Variants in ZNF99 observed in about 807,000 individuals in gnomAD.
ZNF99 encodes the protein zinc finger protein ENSP00000375192.
In ZNF99, 8 loss-of-function variants were observed where a neutral mutation model predicts 12.8. The observed-to-expected ratio is 0.62, with a 90% confidence interval of 0.37 to 1.13. The LOEUF (loss-of-function observed/expected upper bound fraction) is 1.13. ZNF99 is among the 50% of genes most tolerant of loss of function. The probability of loss-of-function intolerance (pLI) is 0.02; values close to 1 mark genes in which losing one functional copy is unlikely to be tolerated. For missense variants in ZNF99, 1,007 were observed against 1,006.2 expected (o/e 1.00, Z -0.01); for synonymous variants, 318 against 319.0 (o/e 1.00, Z 0.03).
At chr19:22,769,985 T>C (rs369111538) in intron 1 of ZNF99, 252 of 1,360,362 alleles carry the variant, frequency 1.9e-4, no homozygotes, top group Non-Finnish European at 2.3e-4. Context: ...AAAGACATGT[T>C]GAGTTAGAAG....
At position 22,756,211 on chromosome 19, in the gene ZNF99, C is replaced by T. The variant is rs200413555; in HGVS notation, c.*1103G>A. The T allele has an allele frequency of 0.011, 16,502 of 1,488,938 alleles. 1,477 individuals are homozygous for T. In the African/African-American group the frequency reaches 0.14, roughly 13 times the overall value. The allele number at this position is 1,488,938 out of a possible 1,614,324, so 92.2% of individuals were successfully genotyped here. On this transcript the variant is annotated 3_prime_UTR_variant, in exon 4 of 4. Coordinates refer to ENST00000596209, the MANE Select transcript of ZNF99 (RefSeq NM_001080409.3). ...TGACACATTCTTCACATTTTTAGGG[C>T]TTCTCCCCAGTATGAATTATCTTAT...
Position 22,753,201 on chromosome 19 carries a change from A to G in ZNF99, c.*4113T>C, listed in dbSNP as rs1972995184. On this transcript the variant is annotated 3_prime_UTR_variant, in exon 4 of 4. Transcript: ENST00000596209. ...TTTTTGATATTTGAAGTATACAAAAAGTATACTTCAAATGTAATTATAATT... is the reference window on the plus strand; with the variant it reads ...TTTTTGATATTTGAAGTATACAAAAGGTATACTTCAAATGTAATTATAATT... 1 of 152,084 alleles carries G rather than the reference A, an allele frequency of 6.6e-6. No individual in the cohort carries two copies. The highest frequency in any genetic ancestry group is 6.5e-5 in the Admixed American group (1 of 15,272). The allele number at this position is 152,084 out of a possible 1,614,324, so 9.4% of individuals were successfully genotyped here. A position where few individuals can be genotyped will look rare whatever the true frequency, so the allele number is the denominator to read the frequency against.
chr19:22,781,198 C>G (rs1973383216), intron 1 of ZNF99, among the ~76,000 whole-genome samples: 1 of 152,044 alleles, frequency 6.6e-6, no homozygotes, highest in Non-Finnish European at 1.5e-5. Flanking sequence ...AAACTGAGGT[C>G]AAAATAAGTG....
chr19:22,767,308 A>T (rs1481471146), intron 3 of ZNF99, among the ~76,000 whole-genome samples: 1 of 152,130 alleles, frequency 6.6e-6, no homozygotes, highest in Non-Finnish European at 1.5e-5. Context: ...AATTAAAAGG[A>T]AAAGAAAGAA....
In ZNF99 at chr19:22,769,017, G is replaced by A. The variant is rs181913294; in HGVS notation, c.130+181C>T. On this transcript the variant is annotated intron_variant, in intron 2 of 3. Coordinates refer to ENST00000596209, the MANE Select transcript of ZNF99 (RefSeq NM_001080409.3). ...GCACTCCAGCCTGGGCAACAAGAGC[G>A]AAACTCTGTTTCAAAAAAAAAAAAA... 1.7e-3 allele frequency among the ~76,000 whole-genome samples: 243 copies of A among 140,122 alleles called. 2 individuals are homozygous for A. Among genetic ancestry groups the A allele is most frequent in the African/African-American group, 6.0e-3 (221 of 36,548 alleles). The allele number at this position is 140,122 out of a possible 152,430, so 91.9% of individuals were successfully genotyped here.
chr19:22,755,449 CAT>C lies in ZNF99; in HGVS notation c.*1863_*1864del, dbSNP rs1221769097. On this transcript the variant is annotated 3_prime_UTR_variant, in exon 4 of 4. Coordinates refer to ENST00000596209, the MANE Select transcript of ZNF99 (RefSeq NM_001080409.3). ...GTTAAAAGTTTTGCCACACTCTTCA[CAT>C]GAGGCGGGTTTCTCTCTAATTTATC... The C allele has an allele frequency of 3.1e-5, 9 of 291,678 alleles. No individual in the cohort carries two copies. The highest frequency in any genetic ancestry group is 8.7e-5 in the East Asian group (1 of 11,454). 18.1% of individuals were successfully genotyped at this position (291,678 alleles called of 1,614,324 possible).
chr19:22,777,057 TAGA>T (rs1429765627), intron 1 of ZNF99, among the ~76,000 whole-genome samples: 1 of 152,024 alleles, frequency 6.6e-6, no homozygotes, highest in Non-Finnish European at 1.5e-5. Flanking sequence ...GGGGCTGAGG[TAGA>T]AGAACTGTTT....
At chr19:22,783,931 G>A (rs1365943529) in intron 1 of ZNF99, 83 bp downstream of exon 1, 5 of 1,558,648 alleles carry the variant, frequency 3.2e-6, no homozygotes, top group East Asian at 2.2e-5. Flanking sequence ...ACTGAGGGGA[G>A]GCCTGAGTCC....
intron 3 of ZNF99, among the ~76,000 whole-genome samples, chr19:22,762,261 A>C (rs185813189): frequency 3.9e-4 from 60 of 152,320 alleles, no homozygotes; most frequent in Non-Finnish European, 7.4e-4. Context: ...TAACCAAGAA[A>C]AAAAGAAAAT....
At position 22,754,199 on chromosome 19, in the gene ZNF99, T is replaced by C; in HGVS notation, c.*3115A>G. The C allele has an allele frequency of 2.3e-6, 1 of 441,588 alleles. No homozygotes were observed. The highest frequency in any genetic ancestry group is 1.6e-5 in the South Asian group (1 of 63,328). The allele number at this position is 441,588 out of a possible 1,614,324, so 27.4% of individuals were successfully genotyped here. On this transcript the variant is annotated 3_prime_UTR_variant, in exon 4 of 4. Transcript: ENST00000596209. ...CTGGTCAAAATGGTGAAACCCCGTC[T>C]CTACTAAAAATACAAAAATTAGCTG...
intron 3 of ZNF99, among the ~76,000 whole-genome samples, chr19:22,761,757 A>G (rs1973153199): frequency 6.6e-6 from 1 of 152,206 alleles, no homozygotes; most frequent in South Asian, 2.1e-4. Flanking sequence ...GAGCCTCAAT[A>G]AATTTAAGAA....
chr19:22,763,182 A>G lies in ZNF99; in HGVS notation c.227-3500T>C, dbSNP rs114557336. ...ATAAAGGGCATCAAAATTGGTAAAG[A>G]GGAAGTAAAGCTGTCACTGTTTGCG... On this transcript the variant is annotated intron_variant, in intron 3 of 3. Coordinates refer to ENST00000596209, the MANE Select transcript of ZNF99 (RefSeq NM_001080409.3). 6.2e-3 allele frequency among the ~76,000 whole-genome samples: 942 copies of G among 152,316 alleles called. 11 individuals are homozygous for G. Among genetic ancestry groups the G allele is most frequent in the African/African-American group, 0.019 (796 of 41,568 alleles).
intron 1 of ZNF99, among the ~76,000 whole-genome samples, chr19:22,782,716 G>A (rs973701598): frequency 5.9e-5 from 8 of 136,072 alleles, no homozygotes; most frequent in African/African-American, 2.3e-4. Context: ...CTCTTGCCCA[G>A]GCTGGTGTGC....
intron 3 of ZNF99, among the ~76,000 whole-genome samples, chr19:22,762,597 A>G (rs1973162472): frequency 6.6e-6 from 1 of 152,158 alleles, no homozygotes; most frequent in African/African-American, 2.4e-5. Context: ...ACACTATTCC[A>G]TAAGATAGAG....
At position 22,758,815 on chromosome 19, in the gene ZNF99, T is replaced by A; in HGVS notation, c.1094A>T (p.Glu365Val). The A allele has an allele frequency of 6.2e-7, 1 of 1,612,668 alleles. No homozygotes were observed. Among genetic ancestry groups the A allele is most frequent in the Non-Finnish European group, 8.5e-7 (1 of 1,179,532 alleles). Residue 365 changes from glutamate to valine, a missense_variant, in exon 4 of 4, where the codon GAA (glutamate) becomes GTA (valine). Glu to Val is a moderately radical substitution (Grantham distance 121). Coordinates refer to ENST00000596209, the MANE Select transcript of ZNF99 (RefSeq NM_001080409.3). ...TTCTTCATATTTGTAGGGTTTCTCT[T>A]CAGTATGAATTATCTCATGTTTTCT... ...TLRKHEIIHTEEKPYKYEECG... is the reference protein window; with the variant it reads ...TLRKHEIIHTVEKPYKYEECG...
intron 3 of ZNF99, among the ~76,000 whole-genome samples, chr19:22,762,317 C>CA (rs1357966945): frequency 6.6e-6 from 1 of 151,960 alleles, no homozygotes. Flanking sequence ...TTACAACTGA[C>CA]AACACAGAAA....
Position 22,759,595 on chromosome 19 carries a change from C to G in ZNF99, c.314G>C (p.Arg105Thr). ...TAATCGTAAATTCTTATGTCCACAT[C>G]TTGCATATGTTCTCAATATTATTTC... ...FQEIILRTYA[R>T]CGHKNLRLRK... Residue 105 changes from arginine to threonine, a missense_variant, in exon 4 of 4, where the codon AGA becomes ACA. Coordinates refer to ENST00000596209, the MANE Select transcript of ZNF99 (RefSeq NM_001080409.3). 1.1e-5 allele frequency: 17 copies of G among 1,610,604 alleles called. No homozygotes were observed. The highest frequency in any genetic ancestry group is 1.4e-5 in the Non-Finnish European group (16 of 1,178,958).
chr19:22,771,510 C>T (rs1973270289), intron 1 of ZNF99, among the ~76,000 whole-genome samples: 2 of 151,694 alleles, frequency 1.3e-5, no homozygotes, highest in South Asian at 2.1e-4. Flanking sequence ...CTGCCTTGGC[C>T]TCCCAAAGTG....
At position 22,752,857 on chromosome 19, in the gene ZNF99, A is replaced by G. The variant is rs1189005836; in HGVS notation, c.*4457T>C. On this transcript the variant is annotated 3_prime_UTR_variant, in exon 4 of 4. Transcript: ENST00000596209. ...AATTTTAAAATGTTTTTCTCACTAT[A>G]ATGCACAAAAATATATTCCTCAGAA... 2 of 152,154 alleles carry G rather than the reference A, an allele frequency of 1.3e-5. No homozygotes were observed. Among genetic ancestry groups the G allele is most frequent in the African/African-American group, 4.8e-5 (2 of 41,456 alleles). 9.4% of individuals were successfully genotyped at this position (152,154 alleles called of 1,614,324 possible).
Sources: gnomAD v4.1 joint callset for allele counts (sites outside exome capture counted in the v4.1 genomes callset) on GRCh38, gnomAD v4.1.1 for gene constraint, MANE v1.5 for transcripts, NCBI Gene and HGNC (gene_info 2026-07-23, HGNC 2026-07-21) for gene names.